The following GNA14 variants were observed in gnomAD, a reference collection of about 807,000 sequenced individuals.
The protein encoded by GNA14 is guanine nucleotide-binding protein subunit alpha-14.
A neutral mutation model predicts 42.0 loss-of-function variants in GNA14; 50 were observed. The ratio of observed to expected loss-of-function variants is 1.19; its 90% CI spans 0.95 to 1.51. The LOEUF (loss-of-function observed/expected upper bound fraction) is 1.51. Among genes scored for constraint, GNA14 ranks in the 40% most tolerant of loss-of-function variants. GNA14 has a pLI of 0.00. For missense variants in GNA14, 473 were observed against 446.2 expected, an observed-to-expected ratio of 1.06 and a Z score of -0.54; for synonymous variants, 173 against 163.1, an observed-to-expected ratio of 1.06 and a Z score of -0.46.
At chr9:77,442,887 T>A (rs1308386126) in intron 2 of GNA14, among the ~76,000 whole-genome samples, 1 of 152,174 alleles carries the variant, frequency 6.6e-6, no homozygotes, top group East Asian at 1.9e-4. Flanking sequence ...ATGCAAACAC[T>A]AACCCAGAGG....
chr9:77,447,746 G>A (rs1011354381), intron 2 of GNA14, among the ~76,000 whole-genome samples: 6 of 152,202 alleles, frequency 3.9e-5, no homozygotes, highest in Non-Finnish European at 8.8e-5. Context: ...AGTCTGCAGG[G>A]GAGGGAAGAG....
rs187679657 is a variant in GNA14, at chr9:77,627,578, G to A, written c.124+20092C>T. Among the ~76,000 whole-genome samples the A allele has an allele frequency of 1.7e-3, 263 of 152,250 alleles. 2 individuals are homozygous for A. Among genetic ancestry groups the A allele is most frequent in the African/African-American group, 5.2e-3 (214 of 41,544 alleles). ...GTCAGCTTCATCCCTGGGATGCCAG[G>A]CTGGTTCAACATACGCAAATTAATA... On this transcript the variant is annotated intron_variant, in intron 1 of 6. Transcript: ENST00000341700.
chr9:77,591,063 G>C (rs1489897074), intron 1 of GNA14, among the ~76,000 whole-genome samples: 1 of 152,182 alleles, frequency 6.6e-6, no homozygotes, highest in Admixed American at 6.5e-5. Context: ...TTTAGTGATA[G>C]ACAGTGAATG....
intron 2 of GNA14, among the ~76,000 whole-genome samples, chr9:77,435,751 A>G (rs1465331901): frequency 1.3e-5 from 2 of 152,138 alleles, no homozygotes; most frequent in Non-Finnish European, 2.9e-5. Context: ...CAAACCTCAG[A>G]AAATGGAAAA....
At chr9:77,424,806 G>C (rs749819992) in intron 6 of GNA14, among the ~76,000 whole-genome samples, 10 of 152,176 alleles carry the variant, frequency 6.6e-5, no homozygotes, top group Non-Finnish European at 1.5e-4. Flanking sequence ...AGAGATAAAA[G>C]GAAGAATGTG....
At chr9:77,472,788 A>ACCTC (rs1554690188) in intron 2 of GNA14, among the ~76,000 whole-genome samples, 4 of 142,018 alleles carry the variant, frequency 2.8e-5, no homozygotes, top group Admixed American at 2.8e-4. Context: ...ACATGACATG[A>ACCTC]TCTCTCTCTC....
chr9:77,546,491 T>C (rs1837722350), intron 1 of GNA14, among the ~76,000 whole-genome samples: 1 of 152,182 alleles, frequency 6.6e-6, no homozygotes, highest in Admixed American at 6.5e-5. Context: ...TGAATCAGGA[T>C]GTGCTTAGAG....
Position 77,647,770 on chromosome 9 carries a change from G to A in GNA14, c.24C>T (p.Ser8=), listed in dbSNP as rs765954210. The A allele has an allele frequency of 5.6e-6, 9 of 1,609,870 alleles. No homozygotes were observed. The South Asian group carries it at 8.8e-5, about 16-fold the overall frequency. MAGCCCL[S]AEEKESQRIS... ...TGCGCTGCGACTCCTTCTCCTCCGC[G>A]GACAGGCAGCAGCAGCCGGCCATGG... Residue 8 remains serine, a synonymous_variant, in exon 1 of 7, where the codon TCC becomes TCT. Coordinates refer to ENST00000341700, the MANE Select transcript of GNA14 (RefSeq NM_004297.4).
At chr9:77,496,130 T>C (rs1203951772) in intron 2 of GNA14, among the ~76,000 whole-genome samples, 1 of 152,214 alleles carries the variant, frequency 6.6e-6, no homozygotes, top group African/African-American at 2.4e-5. Context: ...GATGAGTAAA[T>C]AGGGAAGGAA....
At position 77,576,818 on chromosome 9, in the gene GNA14, C is replaced by T. The variant is rs1823135596; in HGVS notation, c.125-47565G>A. On this transcript the variant is annotated intron_variant, in intron 1 of 6. Coordinates refer to ENST00000341700, the MANE Select transcript of GNA14 (RefSeq NM_004297.4). ...AAAAAAAGAATGCTATACACCTTTC[C>T]CAATTTATGAGTGTTATCAGAAACA... Among the ~76,000 whole-genome samples the T allele has an allele frequency of 2.0e-5, 3 of 152,078 alleles. No homozygotes were observed. The South Asian group carries it at 6.2e-4, about 32-fold the overall frequency.
At chr9:77,440,442 C>A (rs1200092289) in intron 2 of GNA14, among the ~76,000 whole-genome samples, 1 of 152,246 alleles carries the variant, frequency 6.6e-6, no homozygotes, top group African/African-American at 2.4e-5. Flanking sequence ...GGGCTCCGAG[C>A]TCTCTGTTCA....
At chr9:77,434,203 G>C (rs1835603974) in intron 3 of GNA14, among the ~76,000 whole-genome samples, 165 bp downstream of exon 3, 1 of 152,152 alleles carries the variant, frequency 6.6e-6, no homozygotes, top group Admixed American at 6.5e-5. Flanking sequence ...TTTAGGAGGT[G>C]GTGAGAGATG....
chr9:77,507,832 G>A (rs1006153627), intron 2 of GNA14, among the ~76,000 whole-genome samples: 2 of 151,896 alleles, frequency 1.3e-5, no homozygotes, highest in Non-Finnish European at 2.9e-5. Flanking sequence ...TCAGCCTCCC[G>A]AGTAGCTGGG....
At chr9:77,580,853 AC>A (rs1823212360) in intron 1 of GNA14, among the ~76,000 whole-genome samples, 1 of 152,190 alleles carries the variant, frequency 6.6e-6, no homozygotes, top group Non-Finnish European at 1.5e-5. Context: ...CCTCAGTAAT[AC>A]ATGTGCATGC....
chr9:77,502,833 T>C (rs117558151), intron 2 of GNA14, among the ~76,000 whole-genome samples: 2,339 of 152,302 alleles, frequency 0.015, 27 homozygotes, highest in Non-Finnish European at 0.026. Context: ...AGTGTTTTTC[T>C]TGGTGTTTGG....
intron 1 of GNA14, among the ~76,000 whole-genome samples, chr9:77,598,521 T>C (rs1282580126): frequency 6.6e-6 from 1 of 152,196 alleles, no homozygotes. Flanking sequence ...GCACCTGGTA[T>C]TCTGCCTCAA....
At chr9:77,501,636 G>T (rs1214259252) in intron 2 of GNA14, among the ~76,000 whole-genome samples, 1 of 150,970 alleles carries the variant, frequency 6.6e-6, no homozygotes, top group African/African-American at 2.4e-5. Flanking sequence ...TTTTCTCCAA[G>T]TTTGTAGCTT....
chr9:77,478,724 C>T (rs1587787330), intron 2 of GNA14, among the ~76,000 whole-genome samples: 2 of 152,208 alleles, frequency 1.3e-5, no homozygotes, highest in East Asian at 3.9e-4. Context: ...GCCATTCTAA[C>T]TGGTGTGAGA....
At chr9:77,557,840 T>C (rs1388033396) in intron 1 of GNA14, among the ~76,000 whole-genome samples, 2 of 152,200 alleles carry the variant, frequency 1.3e-5, no homozygotes, top group Non-Finnish European at 1.5e-5. Context: ...TGTTTTTATA[T>C]TAGCTATTTA....
Sources: gnomAD v4.1 joint callset for allele counts (sites outside exome capture counted in the v4.1 genomes callset) on GRCh38, gnomAD v4.1.1 for gene constraint, MANE v1.5 for transcripts, NCBI Gene and HGNC (gene_info 2026-07-23, HGNC 2026-07-21) for gene names.